Variants in UNC5C observed in about 807,000 individuals in gnomAD.
The protein encoded by UNC5C is unc-5 netrin receptor C, also known as netrin receptor UNC5C.
In UNC5C, 47 loss-of-function variants were observed where a neutral mutation model predicts 99.8. The ratio of observed to expected loss-of-function variants is 0.47; its 90% CI spans 0.37 to 0.60. The LOEUF is 0.60. UNC5C is among the 20% of genes least tolerant of loss of function. The pLI is 0.00. For synonymous variants in UNC5C, 487 were observed against 452.2 expected, an observed-to-expected ratio of 1.08 and a Z score of -0.98; for missense variants, 1,062 against 1,165.9, an observed-to-expected ratio of 0.91 and a Z score of 1.30.
intron 12 of UNC5C, among the ~76,000 whole-genome samples, chr4:95,195,958 A>C (rs920669097): frequency 6.6e-6 from 1 of 152,160 alleles, no homozygotes; most frequent in Non-Finnish European, 1.5e-5. Context: ...TATCACAAAT[A>C]CATTTGTCAG....
chr4:95,195,360 C>A (rs1186833491), intron 12 of UNC5C, among the ~76,000 whole-genome samples: 1 of 152,160 alleles, frequency 6.6e-6, no homozygotes, highest in African/African-American at 2.4e-5. Context: ...CACTAGGAAC[C>A]TTTAACACAC....
At chr4:95,541,417 T>A (rs1722916833) in intron 1 of UNC5C, among the ~76,000 whole-genome samples, 1 of 152,110 alleles carries the variant, frequency 6.6e-6, no homozygotes, top group Non-Finnish European at 1.5e-5. Flanking sequence ...GTTTCAGGCA[T>A]CCATTGGGGG....
At chr4:95,433,006 G>A (rs1001336633) in intron 1 of UNC5C, among the ~76,000 whole-genome samples, 2 of 152,086 alleles carry the variant, frequency 1.3e-5, no homozygotes, top group Non-Finnish European at 2.9e-5. Context: ...TTTTATGTCA[G>A]TTACGTCAAC....
At chr4:95,333,954 A>T (rs1743228054) in intron 2 of UNC5C, among the ~76,000 whole-genome samples, 1 of 152,028 alleles carries the variant, frequency 6.6e-6, no homozygotes, top group Admixed American at 6.6e-5. Flanking sequence ...TTTTCTGAGT[A>T]ATTAGACCAA....
intron 1 of UNC5C, among the ~76,000 whole-genome samples, chr4:95,446,181 G>A (rs906654357): frequency 6.6e-6 from 1 of 151,890 alleles, no homozygotes; most frequent in Non-Finnish European, 1.5e-5. Context: ...ATACAAATAA[G>A]TAGCAAATAA....
At chr4:95,171,041 T>G (rs1047866872) in intron 14 of UNC5C, among the ~76,000 whole-genome samples, 1 of 152,212 alleles carries the variant, frequency 6.6e-6, no homozygotes, top group Admixed American at 6.5e-5. Flanking sequence ...CTTAAGATAG[T>G]CTCAGCTCAT....
chr4:95,442,369 ATTTTT>A (rs5860407), intron 1 of UNC5C, among the ~76,000 whole-genome samples: 2 of 126,340 alleles, frequency 1.6e-5, no homozygotes, highest in South Asian at 5.2e-4. Flanking sequence ...TGCCCAGCTA[ATTTTT>A]TTTTTTTTTT....
chr4:95,536,082 A>AT (rs940269233), intron 1 of UNC5C, among the ~76,000 whole-genome samples: 440 of 78,432 alleles, frequency 5.6e-3, no homozygotes, highest in Non-Finnish European at 1.0e-2. Flanking sequence ...ATATATATAT[A>AT]TTTTTTTTTT....
intron 1 of UNC5C, among the ~76,000 whole-genome samples, chr4:95,499,432 C>T (rs1045287728): frequency 6.6e-6 from 1 of 152,096 alleles, no homozygotes; most frequent in Non-Finnish European, 1.5e-5. Flanking sequence ...ATCCAAGCAG[C>T]CTTTGCCTCT....
At chr4:95,527,572 T>C (rs916035211) in intron 1 of UNC5C, among the ~76,000 whole-genome samples, 3 of 152,132 alleles carry the variant, frequency 2.0e-5, no homozygotes, top group Non-Finnish European at 4.4e-5. Flanking sequence ...AATACATAGT[T>C]GTGTGCATAT....
chr4:95,244,984 T>G lies in UNC5C; in HGVS notation c.936A>C (p.Leu312Phe), dbSNP rs1472589668. The G allele has an allele frequency of 2.5e-6, 4 of 1,613,792 alleles. No individual in the cohort carries two copies. Residue 312 changes from leucine to phenylalanine, a missense_variant, in exon 6 of 16, where the codon TTA becomes TTC. Around this residue, in one of 3 missense-constraint regions of UNC5C, gnomAD observed 810 missense variants for 854.5 expected, o/e 0.95. Coordinates refer to ENST00000453304, the MANE Select transcript of UNC5C (RefSeq NM_003728.4). ...QSVQKIACTT[L>F]CPVDGRWTPW... The stretch of plus-strand genomic sequence containing the variant: ...GAGGACTGGTTTATTTACCTGGGCA[T>G]AACGTAGTACAGGCTATTTTCTGCA...
chr4:95,290,613 C>A (rs1741406723), intron 3 of UNC5C, among the ~76,000 whole-genome samples: 1 of 152,058 alleles, frequency 6.6e-6, no homozygotes, highest in Non-Finnish European at 1.5e-5. Context: ...GAACTTACTT[C>A]ATAGGATGTC....
intron 1 of UNC5C, among the ~76,000 whole-genome samples, chr4:95,368,162 A>G (rs2626043): frequency 0.15 from 23,469 of 152,066 alleles, 2,010 homozygotes; most frequent in Admixed American, 0.2. Flanking sequence ...TGATGTATGA[A>G]ATTATATCAT....
rs1411989492 is a variant in UNC5C at position 95,280,736 on chromosome 4, A to AGTT, written c.491-2377_491-2375dup. 4.0e-5 allele frequency among the ~76,000 whole-genome samples: 6 copies of AGTT among 151,494 alleles called. No individual in the cohort carries two copies. The South Asian group carries it at 8.4e-4, about 21-fold the overall frequency. ...AGAAATGAACATTTGGAATCCACAG[A>AGTT]GTTATCATAACTTTAAAGTTATCTA... On this transcript the variant is annotated intron_variant, in intron 3 of 15. Transcript: ENST00000453304.
rs1735936531 is a variant in UNC5C, at chr4:95,168,265, A to G, written c.*969T>C. On this transcript the variant is annotated 3_prime_UTR_variant, in exon 16 of 16. Transcript: ENST00000453304. ...TCTGGGGTGGAATAAGGGAAAGGTA[A>G]AAGGTCAAGGAAGTGATGCATGTTG... The G allele has an allele frequency of 6.6e-6, 1 of 152,214 alleles. No homozygotes were observed. The highest frequency in any genetic ancestry group is 2.1e-4 in the South Asian group (1 of 4,826). 9.4% of individuals were successfully genotyped at this position (152,214 alleles called of 1,614,324 possible).
At chr4:95,475,314 G>C (rs1560847373) in intron 1 of UNC5C, among the ~76,000 whole-genome samples, 1 of 151,950 alleles carries the variant, frequency 6.6e-6, no homozygotes, top group Non-Finnish European at 1.5e-5. Flanking sequence ...GACCCATTTT[G>C]GGTCTTACTT....
chr4:95,184,997 CTCTT>C, intron 13 of UNC5C, 46 bp downstream of exon 13: 5 of 1,505,768 alleles, frequency 3.3e-6, no homozygotes, highest in Non-Finnish European at 4.4e-6. Flanking sequence ...AATTTTAGAC[CTCTT>C]TCTTAGAGAT....
intron 1 of UNC5C, among the ~76,000 whole-genome samples, chr4:95,446,083 G>C (rs1747097564): frequency 1.3e-5 from 2 of 152,126 alleles, no homozygotes; most frequent in African/African-American, 4.8e-5. Context: ...TGTCTCAAGA[G>C]AGTGCCTAAA....
intron 2 of UNC5C, among the ~76,000 whole-genome samples, chr4:95,321,679 A>C (rs893746129): frequency 3.3e-5 from 5 of 152,226 alleles, no homozygotes; most frequent in Non-Finnish European, 7.3e-5. Flanking sequence ...GAATCTTCAT[A>C]CTGTATAGAA....
Sources: gnomAD v4.1 joint callset for allele counts (sites outside exome capture counted in the v4.1 genomes callset) on GRCh38, gnomAD v4.1.1 for gene constraint, gnomAD v4.1.1 regional missense constraint, MANE v1.5 for transcripts, NCBI Gene and HGNC (gene_info 2026-07-23, HGNC 2026-07-21) for gene names.